Variants in DCLK1 observed in about 807,000 individuals in gnomAD.
The protein encoded by DCLK1 is serine/threonine-protein kinase DCLK1.
DCLK1 carries 16 observed loss-of-function variants against 86.2 expected under a neutral mutation model. That is an observed-to-expected ratio of 0.19 (90% CI 0.13 to 0.28). The LOEUF (loss-of-function observed/expected upper bound fraction) is 0.28, where lower values mean the gene tolerates loss of function less well. DCLK1 is among the 10% of genes least tolerant of loss of function. The probability of loss-of-function intolerance (pLI) is 1.00; values close to 1 mark genes in which losing one functional copy is unlikely to be tolerated. For synonymous variants in DCLK1, 369 were observed against 370.5 expected, an observed-to-expected ratio of 1.00 and a Z score of 0.05; for missense variants, 590 against 940.2, an observed-to-expected ratio of 0.63 and a Z score of 4.87.
intron 5 of DCLK1, chr13:35,869,118 T>C (rs369446712): frequency 3.9e-6 from 2 of 511,812 alleles, no homozygotes; most frequent in East Asian, 5.5e-5. Context: ...TCAGAGAAAG[T>C]GAGAAATGTT....
chr13:35,796,003 G>A (rs2086802722), intron 15 of DCLK1, among the ~76,000 whole-genome samples: 1 of 151,018 alleles, frequency 6.6e-6, no homozygotes, highest in East Asian at 1.9e-4. Context: ...TGGAATTTAA[G>A]TTGGACAATA....
At chr13:36,114,997 C>G (rs1289722716) in intron 2 of DCLK1, among the ~76,000 whole-genome samples, 1 of 152,092 alleles carries the variant, frequency 6.6e-6, no homozygotes, top group East Asian at 1.9e-4. Context: ...GTGTTAAGTG[C>G]CATTTAAAAA....
intron 13 of DCLK1, among the ~76,000 whole-genome samples, chr13:35,808,691 G>A (rs963209632): frequency 3.9e-5 from 6 of 152,096 alleles, no homozygotes; most frequent in Non-Finnish European, 8.8e-5. Flanking sequence ...GCTGAGGCAG[G>A]AGAACTGCTT....
intron 3 of DCLK1, among the ~76,000 whole-genome samples, chr13:36,052,931 G>T (rs183564422): frequency 6.6e-6 from 1 of 152,126 alleles, no homozygotes; most frequent in Admixed American, 6.6e-5. Context: ...CTCAGCCTGA[G>T]TCCTATGACT....
At chr13:36,089,643 AC>A (rs1465224731) in intron 3 of DCLK1, among the ~76,000 whole-genome samples, 1 of 152,186 alleles carries the variant, frequency 6.6e-6, no homozygotes, top group Non-Finnish European at 1.5e-5. Flanking sequence ...GAAATATACA[AC>A]AGGCAGTTCT....
chr13:36,040,774 T>C (rs1882676197), intron 3 of DCLK1, among the ~76,000 whole-genome samples: 1 of 152,092 alleles, frequency 6.6e-6, no homozygotes, highest in African/African-American at 2.4e-5. Context: ...ATTCAATCTA[T>C]TTATATCAGT....
At position 35,932,962 on chromosome 13, in the gene DCLK1, A is replaced by G. The variant is rs571004759; in HGVS notation, c.823+14396T>C. 5.9e-5 allele frequency among the ~76,000 whole-genome samples: 9 copies of G among 152,332 alleles called. No individual in the cohort carries two copies. In the East Asian group the frequency reaches 1.7e-3, roughly 29 times the overall value. Reference sequence around the variant, plus strand: ...GAGACAAGGCAAGTCCCTTCTACCTATGAGCCTGTAAAATCAAAAGTAAGT... The same window carrying G: ...GAGACAAGGCAAGTCCCTTCTACCTGTGAGCCTGTAAAATCAAAAGTAAGT... On this transcript the variant is annotated intron_variant, in intron 4 of 16. Transcript: ENST00000360631.
At chr13:35,823,427 G>A (rs1280721438) in intron 10 of DCLK1, among the ~76,000 whole-genome samples, 1 of 151,970 alleles carries the variant, frequency 6.6e-6, no homozygotes, top group Non-Finnish European at 1.5e-5. Context: ...AGTGGGCATA[G>A]TGTTTTCTTT....
At chr13:35,919,093 G>A (rs971715750) in intron 4 of DCLK1, among the ~76,000 whole-genome samples, 4 of 151,726 alleles carry the variant, frequency 2.6e-5, no homozygotes, top group Non-Finnish European at 5.9e-5. Flanking sequence ...GTAGAGACAA[G>A]GTTGGCCAGG....
At position 36,032,433 on chromosome 13, in the gene DCLK1, T is replaced by C. The variant is rs182648022; in HGVS notation, c.723+79436A>G. ...TGTTGGGATTATAGGCGTGAGCCAC[T>C]GCGCCCAGCCCAGTTTTTCTTTTAC... On this transcript the variant is annotated intron_variant, in intron 3 of 16. Coordinates refer to ENST00000360631, the MANE Select transcript of DCLK1 (RefSeq NM_001330071.2). Among the ~76,000 whole-genome samples, 384 of 152,290 alleles carry C rather than the reference T, an allele frequency of 2.5e-3. 8 individuals carry two copies. Among genetic ancestry groups the C allele is most frequent in the Admixed American group, 0.02 (302 of 15,294 alleles).
At chr13:35,812,350 GT>G (rs1343009480) in intron 11 of DCLK1, among the ~76,000 whole-genome samples, 1 of 152,180 alleles carries the variant, frequency 6.6e-6, no homozygotes, top group Non-Finnish European at 1.5e-5. Flanking sequence ...AAGCAGCTAA[GT>G]TTTCCATGTA....
chr13:35,868,951 T>A, intron 5 of DCLK1: 1 of 357,956 alleles, frequency 2.8e-6, no homozygotes, highest in Admixed American at 3.3e-5. Flanking sequence ...CCACCATGCC[T>A]GGCTAATTTT....
At chr13:36,131,729 C>A (rs1211874263), upstream of DCLK1, among the ~76,000 whole-genome samples, 1 of 152,116 alleles carries the variant, frequency 6.6e-6, no homozygotes, top group African/African-American at 2.4e-5. Context: ...GAGATGAGGC[C>A]CCCACCGTCG....
At chr13:35,998,371 A>G (rs1566638760) in intron 3 of DCLK1, among the ~76,000 whole-genome samples, 1 of 152,128 alleles carries the variant, frequency 6.6e-6, no homozygotes, top group East Asian at 1.9e-4. Flanking sequence ...CTCTCCATTC[A>G]ATATCTCCTG....
At chr13:36,099,809 T>C (rs115168471) in intron 3 of DCLK1, among the ~76,000 whole-genome samples, 1 of 152,162 alleles carries the variant, frequency 6.6e-6, no homozygotes, top group Non-Finnish European at 1.5e-5. Flanking sequence ...TTTTTTATGG[T>C]CACTGTCAAT....
intron 3 of DCLK1, among the ~76,000 whole-genome samples, chr13:36,024,672 A>G (rs1881958735): frequency 6.6e-6 from 1 of 152,200 alleles, no homozygotes; most frequent in Non-Finnish European, 1.5e-5. Flanking sequence ...AAATTCTTCT[A>G]CAGATTCAAC....
At chr13:35,805,838 T>C in intron 14 of DCLK1, 59 bp from the exon 15 acceptor site, 1 of 1,477,278 alleles carries the variant, frequency 6.8e-7, no homozygotes, top group South Asian at 1.2e-5. Flanking sequence ...GCTGTATGTG[T>C]GCAAATGCAA....
chr13:35,980,194 G>A (rs554867646), intron 3 of DCLK1, among the ~76,000 whole-genome samples: 5 of 152,280 alleles, frequency 3.3e-5, no homozygotes, highest in Non-Finnish European at 5.9e-5. Context: ...GGTGGCTTAC[G>A]TCTGTAATCC....
chr13:35,795,672 G>A (rs1221382581), intron 15 of DCLK1, among the ~76,000 whole-genome samples: 1 of 152,156 alleles, frequency 6.6e-6, no homozygotes, highest in Non-Finnish European at 1.5e-5. Flanking sequence ...TGTAATCTCA[G>A]CACTTTGGGA....
Sources: gnomAD v4.1 joint callset for allele counts (sites outside exome capture counted in the v4.1 genomes callset) on GRCh38, gnomAD v4.1.1 for gene constraint, MANE v1.5 for transcripts, NCBI Gene and HGNC (gene_info 2026-07-23, HGNC 2026-07-21) for gene names.